Variants in HIVEP1 observed in about 807,000 individuals in gnomAD.
The protein encoded by HIVEP1 is HIVEP zinc finger 1.
In HIVEP1, 36 loss-of-function variants were observed where a neutral mutation model predicts 180.0. The observed-to-expected ratio is 0.20, with a 90% CI of 0.15 to 0.26. The LOEUF (loss-of-function observed/expected upper bound fraction) is 0.26. Ranked by LOEUF, HIVEP1 falls within the 10% of genes least tolerant of loss-of-function variation. HIVEP1 has a pLI of 1.00. For synonymous variants in HIVEP1, 1,239 were observed against 1,239.0 expected (o/e 1.00, Z 0.00); for missense variants, 3,143 against 3,268.7 (o/e 0.96, Z 0.94).
chr6:12,018,201 C>T (rs983666792), intron 2 of HIVEP1, among the ~76,000 whole-genome samples: 7 of 152,360 alleles, frequency 4.6e-5, no homozygotes, highest in Non-Finnish European at 8.8e-5. Flanking sequence ...GCCAAGCCCA[C>T]GCCAACTGGG....
chr6:12,120,133 G>A lies in HIVEP1; in HGVS notation c.338G>A (p.Gly113Glu). The A allele has an allele frequency of 6.2e-7, 1 of 1,613,840 alleles. No individual in the cohort carries two copies. The highest frequency in any genetic ancestry group is 8.5e-7 in the Non-Finnish European group (1 of 1,179,952). Residue 113 changes from glycine to glutamate, a missense_variant, in exon 4 of 9, where the codon GGA becomes GAA. Gly to Glu is a moderately conservative substitution (Grantham distance 98). This residue lies in a region of HIVEP1 where 114 missense variants were observed against 134.5 expected (regional missense o/e 0.85). Transcript: ENST00000379388. ...KNGKQFTKQNGETPGIIAEAS... is the reference protein window; with the variant it reads ...KNGKQFTKQNEETPGIIAEAS... ...GGGAAGCAGTTTACCAAACAAAATG[G>A]AGAAACACCTGGAATAATTGCTGAA...
At chr6:12,104,065 T>C (rs1248562753) in intron 3 of HIVEP1, among the ~76,000 whole-genome samples, 2 of 152,154 alleles carry the variant, frequency 1.3e-5, no homozygotes, top group Non-Finnish European at 2.9e-5. Flanking sequence ...TTTTAAAAAT[T>C]ACTAGTAATT....
At chr6:12,149,423 A>G (rs1464420774) in intron 7 of HIVEP1, among the ~76,000 whole-genome samples, 3 of 152,202 alleles carry the variant, frequency 2.0e-5, no homozygotes, top group Non-Finnish European at 2.9e-5. Flanking sequence ...TTTCTGTAGC[A>G]TAAACATAAT....
intron 2 of HIVEP1, among the ~76,000 whole-genome samples, chr6:12,043,098 T>C (rs886940947): frequency 6.6e-6 from 1 of 152,208 alleles, no homozygotes; most frequent in Non-Finnish European, 1.5e-5. Context: ...TTTGTTCCTG[T>C]GCTATACTCT....
At chr6:12,129,663 T>C (rs1758308084) in intron 4 of HIVEP1, 96 bp from the exon 5 acceptor site, 3 of 975,330 alleles carry the variant, frequency 3.1e-6, no homozygotes, top group Admixed American at 1.9e-5. Context: ...GTTGACCATA[T>C]GCTCTGTACT....
At chr6:12,083,988 T>C (rs1772954375) in intron 2 of HIVEP1, among the ~76,000 whole-genome samples, 1 of 152,168 alleles carries the variant, frequency 6.6e-6, no homozygotes, top group South Asian at 2.1e-4. Context: ...TATGAAATAC[T>C]GTAGAATGCC....
At chr6:12,133,979 C>CAA (rs111307585) in intron 6 of HIVEP1, among the ~76,000 whole-genome samples, 12 of 117,404 alleles carry the variant, frequency 1.0e-4, no homozygotes, top group Non-Finnish European at 9.3e-5. Context: ...CCGTCTCAAC[C>CAA]AAAAAAAAAA....
intron 4 of HIVEP1, 160 bp from the exon 5 acceptor site, chr6:12,129,599 G>C: frequency 4.2e-6 from 3 of 706,568 alleles, no homozygotes; most frequent in Middle Eastern, 2.3e-4. Context: ...GATTCATAAG[G>C]GAGGAGATAA....
chr6:12,106,208 T>A (rs1177746882), intron 3 of HIVEP1, among the ~76,000 whole-genome samples: 2 of 152,200 alleles, frequency 1.3e-5, no homozygotes, highest in South Asian at 4.1e-4. Flanking sequence ...CATAATTTTC[T>A]TTCAGCATTT....
downstream of HIVEP1, among the ~76,000 whole-genome samples, chr6:12,168,713 AAC>A (rs1334311859): frequency 6.6e-6 from 1 of 152,084 alleles, no homozygotes; most frequent in Non-Finnish European, 1.5e-5. Context: ...TGTAACCACA[AAC>A]ACACTACAGT....
At chr6:12,061,228 G>A (rs1228928373) in intron 2 of HIVEP1, among the ~76,000 whole-genome samples, 3 of 152,192 alleles carry the variant, frequency 2.0e-5, no homozygotes, top group African/African-American at 4.8e-5. Context: ...CCTTTGATGC[G>A]ATTTCCTACA....
At chr6:12,198,091 T>C in the HIVEP1 span, among the ~76,000 whole-genome samples, 2 of 152,188 alleles carry the variant, frequency 1.3e-5, no homozygotes, top group Non-Finnish European at 2.9e-5. Flanking sequence ...GAGATGCTAG[T>C]GAAGCACACA....
chr6:12,068,658 C>T (rs537437926), intron 2 of HIVEP1, among the ~76,000 whole-genome samples: 1 of 152,178 alleles, frequency 6.6e-6, no homozygotes, highest in Admixed American at 6.5e-5. Context: ...TGTAAATCGT[C>T]ACACATATAT....
At chr6:12,029,366 C>T (rs80164231) in intron 2 of HIVEP1, among the ~76,000 whole-genome samples, 1,776 of 152,260 alleles carry the variant, frequency 0.012, 32 homozygotes, top group African/African-American at 0.039. Context: ...CGTGTTGCCG[C>T]GATTGCTTTT....
At chr6:12,076,994 G>A (rs1439558476) in intron 2 of HIVEP1, among the ~76,000 whole-genome samples, 1 of 152,152 alleles carries the variant, frequency 6.6e-6, no homozygotes, top group Admixed American at 6.5e-5. Context: ...GGATCTTGCT[G>A]GAGGGATGAT....
chr6:12,121,142 G>A lies in HIVEP1; in HGVS notation c.1347G>A (p.Leu449=), dbSNP rs752758843. The change falls in exon 4 of 9, where the codon CTG becomes CTA. Residue 449 remains leucine (L), a synonymous_variant. Coordinates refer to ENST00000379388, the MANE Select transcript of HIVEP1 (RefSeq NM_002114.4). The surrounding 1 kb of genome is among the most constrained non-coding windows in gnomAD (Gnocchi z 5.3). ...TTTCATTTAAGACTAAAAGTAATCT[G>A]TATAAGCACAAGAAATCCCACGCAC... ...CGFSFKTKSN[L]YKHKKSHAHT... is the part of the protein sequence containing the mutation. 7.4e-6 allele frequency: 12 copies of A among 1,614,162 alleles called. No homozygotes were observed. Among genetic ancestry groups the A allele is most frequent in the African/African-American group, 1.3e-5 (1 of 75,030 alleles).
chr6:12,171,201 G>A, the HIVEP1 span, among the ~76,000 whole-genome samples: 1 of 152,126 alleles, frequency 6.6e-6, no homozygotes, highest in African/African-American at 2.4e-5. Flanking sequence ...GGGCATAGTA[G>A]AAATACGTTA....
Position 12,120,793 on chromosome 6 carries a change from C to G in HIVEP1, c.998C>G (p.Ser333Cys). ...EQVYNIAVTS[S>C]VGLTSPSSRS... ...GTTTATAATATAGCAGTGACATCAT[C>G]TGTAGGCCTAACTTCACCTTCCAGT... is the stretch of plus-strand genomic sequence containing the variant. The change falls in exon 4 of 9, where the codon TCT becomes TGT. Residue 333 changes from serine to cysteine, a missense_variant. This residue lies in a region of HIVEP1 where 306 missense variants were observed against 310.6 expected (regional missense o/e 0.99). Coordinates refer to ENST00000379388, the MANE Select transcript of HIVEP1 (RefSeq NM_002114.4). 6.2e-7 allele frequency: 1 copy of G among 1,614,212 alleles called. No individual in the cohort carries two copies. The highest frequency in any genetic ancestry group is 8.5e-7 in the Non-Finnish European group (1 of 1,180,038).
At chr6:12,194,626 A>G in the HIVEP1 span, among the ~76,000 whole-genome samples, 1 of 152,062 alleles carries the variant, frequency 6.6e-6, no homozygotes, top group African/African-American at 2.4e-5. Context: ...ACATGCTGAA[A>G]CCCTGTCTCT....
Sources: allele counts gnomAD v4.1 joint callset (sites outside exome capture counted in the v4.1 genomes callset), GRCh38; gene constraint gnomAD v4.1.1; regional missense constraint gnomAD v4.1.1; non-coding constraint Gnocchi (gnomAD v3.1); transcripts MANE v1.5; gene names NCBI Gene and HGNC (gene_info 2026-07-23, HGNC 2026-07-21).